The following FAM168A variants were observed in gnomAD, a reference collection of about 807,000 sequenced individuals.
FAM168A encodes the protein family with sequence similarity 168 member A.
A neutral mutation model predicts 28.5 loss-of-function variants in FAM168A; 3 were observed. The ratio of observed to expected loss-of-function variants is 0.11; its 90% CI spans 0.05 to 0.27. The LOEUF (loss-of-function observed/expected upper bound fraction) is 0.27. FAM168A is among the 10% of genes least tolerant of loss of function. The pLI, the probability that FAM168A is intolerant of heterozygous loss-of-function variation, is 1.00. For missense variants in FAM168A, 222 were observed against 311.5 expected (o/e 0.71, Z 2.16); for synonymous variants, 122 against 124.2 (o/e 0.98, Z 0.12).
chr11:73,408,503 G>A (rs1464361070), intron 6 of FAM168A, among the ~76,000 whole-genome samples: 2 of 152,192 alleles, frequency 1.3e-5, no homozygotes, highest in African/African-American at 2.4e-5. Context: ...CTCTAGGCTA[G>A]GCATAATGGC....
intron 1 of FAM168A, among the ~76,000 whole-genome samples, chr11:73,472,032 C>G (rs1034766213): frequency 6.6e-6 from 1 of 152,064 alleles, no homozygotes; most frequent in Non-Finnish European, 1.5e-5. Flanking sequence ...GGAGTGTGAA[C>G]CCTATTGTGA....
intron 3 of FAM168A, among the ~76,000 whole-genome samples, chr11:73,427,879 GC>G (rs1178890975): frequency 2.0e-5 from 3 of 152,034 alleles, no homozygotes; most frequent in Admixed American, 2.0e-4. Context: ...ATTCAGATGG[GC>G]CCCCCAATGT....
intron 1 of FAM168A, among the ~76,000 whole-genome samples, chr11:73,523,064 G>C (rs1333039169): frequency 2.6e-5 from 4 of 151,700 alleles, no homozygotes; most frequent in Non-Finnish European, 5.9e-5. Context: ...GAGAGGAGGG[G>C]GCTGCTGGAA....
intron 1 of FAM168A, among the ~76,000 whole-genome samples, chr11:73,568,970 C>A (rs549758935): frequency 6.6e-6 from 1 of 152,216 alleles, no homozygotes; most frequent in East Asian, 1.9e-4. Context: ...AGAAATCTGA[C>A]AAGGCAATCA....
intron 1 of FAM168A, among the ~76,000 whole-genome samples, chr11:73,569,119 T>C (rs1259983360): frequency 6.6e-6 from 1 of 152,212 alleles, no homozygotes; most frequent in African/African-American, 2.4e-5. Context: ...CAACTATATT[T>C]AATGCCACTA....
intron 2 of FAM168A, among the ~76,000 whole-genome samples, chr11:73,439,190 G>A (rs151298043): frequency 2.6e-5 from 4 of 152,244 alleles, no homozygotes; most frequent in African/African-American, 9.6e-5. Flanking sequence ...TTAGATTCAA[G>A]GCCCAGCCAC....
chr11:73,455,364 G>A (rs1867511757), intron 2 of FAM168A, among the ~76,000 whole-genome samples: 1 of 152,236 alleles, frequency 6.6e-6, no homozygotes, highest in Non-Finnish European at 1.5e-5. Context: ...GGTGGACTGA[G>A]TAAATGAGGC....
At chr11:73,549,140 C>T (rs1474447645) in intron 1 of FAM168A, among the ~76,000 whole-genome samples, 1 of 152,152 alleles carries the variant, frequency 6.6e-6, no homozygotes. Flanking sequence ...TGGGGTTTCA[C>T]CATGTTGGCC....
At chr11:73,434,230 A>G (rs1867049730) in intron 2 of FAM168A, among the ~76,000 whole-genome samples, 1 of 152,180 alleles carries the variant, frequency 6.6e-6, no homozygotes, top group Non-Finnish European at 1.5e-5. Context: ...GACTTTTGTC[A>G]GTGAACAAAA....
At chr11:73,494,930 G>A (rs1354485281) in intron 1 of FAM168A, among the ~76,000 whole-genome samples, 1 of 151,776 alleles carries the variant, frequency 6.6e-6, no homozygotes, top group Non-Finnish European at 1.5e-5. Context: ...TTGAACCCAG[G>A]AGGCAGAGGC....
At chr11:73,514,731 G>C (rs781119307) in intron 1 of FAM168A, among the ~76,000 whole-genome samples, 33 of 152,092 alleles carry the variant, frequency 2.2e-4, no homozygotes, top group Non-Finnish European at 4.0e-4. Context: ...TACTCAGAAG[G>C]GTGAGGTAGG....
At chr11:73,523,643 G>A (rs117333500) in intron 1 of FAM168A, among the ~76,000 whole-genome samples, 216 of 152,018 alleles carry the variant, frequency 1.4e-3, no homozygotes, top group Admixed American at 3.7e-3. Flanking sequence ...ACGGGGTTTC[G>A]CCACGTTGCC....
intron 1 of FAM168A, among the ~76,000 whole-genome samples, chr11:73,544,774 T>C (rs1198783332): frequency 8.6e-6 from 1 of 115,862 alleles, no homozygotes; most frequent in Non-Finnish European, 1.7e-5. Flanking sequence ...TATATAATTA[T>C]ATATAATTAT....
chr11:73,430,611 C>A, intron 3 of FAM168A, 79 bp downstream of exon 3: 1 of 1,325,906 alleles, frequency 7.5e-7, no homozygotes, highest in South Asian at 1.2e-5. Flanking sequence ...CAGGAAAAGG[C>A]CAGCAAGTGG....
rs183873359 is a variant in FAM168A, at chr11:73,561,165, G to A, written c.-19+36758C>T. ...TGAGGCAGGCGGATCACCTGAGGTC[G>A]GGAGTTCGAGATCAGCCTGACCAAC... On this transcript the variant is annotated intron_variant, in intron 1 of 7. Coordinates refer to ENST00000356467, the MANE Select transcript of FAM168A (RefSeq NM_015159.3). Among the ~76,000 whole-genome samples the A allele has an allele frequency of 5.8e-3, 884 of 151,878 alleles. 7 individuals carry two copies. The highest frequency in any genetic ancestry group is 0.027 in the Middle Eastern group (8 of 294).
intron 1 of FAM168A, among the ~76,000 whole-genome samples, chr11:73,508,388 TC>T (rs1855156327): frequency 6.6e-6 from 1 of 152,178 alleles, no homozygotes; most frequent in Non-Finnish European, 1.5e-5. Flanking sequence ...ATTTCTAGCC[TC>T]CCTTCAAACA....
Position 73,456,940 on chromosome 11 carries a change from T to C in FAM168A, c.70+11465A>G, listed in dbSNP as rs1321228674. 1.3e-5 allele frequency among the ~76,000 whole-genome samples: 2 copies of C among 152,236 alleles called. 1 individual carries two copies. Among genetic ancestry groups the C allele is most frequent in the Non-Finnish European group, 2.9e-5 (2 of 68,044 alleles). On this transcript the variant is annotated intron_variant, in intron 2 of 7. Coordinates refer to ENST00000356467, the MANE Select transcript of FAM168A (RefSeq NM_015159.3). ...GGGTTATGTGTTCTGATTGTTAGTT[T>C]TGATCACTGAGAGGCCAGCACAGAG...
intron 2 of FAM168A, among the ~76,000 whole-genome samples, chr11:73,460,972 T>C (rs535802104): frequency 6.6e-6 from 1 of 152,320 alleles, no homozygotes; most frequent in African/African-American, 2.4e-5. Flanking sequence ...GAGAACTAGA[T>C]TGGCTGCCAG....
At chr11:73,483,377 C>T (rs1379466083) in intron 1 of FAM168A, among the ~76,000 whole-genome samples, 1 of 152,174 alleles carries the variant, frequency 6.6e-6, no homozygotes, top group Non-Finnish European at 1.5e-5. Context: ...TTCATTTCAC[C>T]TTGAGGCTAT....
Sources: allele counts gnomAD v4.1 joint callset (sites outside exome capture counted in the v4.1 genomes callset), GRCh38; gene constraint gnomAD v4.1.1; transcripts MANE v1.5; gene names NCBI Gene and HGNC (gene_info 2026-07-23, HGNC 2026-07-21).